Variants in SV2B observed in about 807,000 individuals in gnomAD.
SV2B encodes solute carrier family 22 member B2.
SV2B carries 41 observed loss-of-function variants against 73.9 expected under a neutral mutation model. The ratio of observed to expected loss-of-function variants is 0.56; its 90% CI spans 0.43 to 0.72. The LOEUF (loss-of-function observed/expected upper bound fraction) is 0.72, where lower values mean the gene tolerates loss of function less well. SV2B is among the 30% of genes least tolerant of loss of function. The pLI is 0.00. For missense variants in SV2B, 764 were observed against 857.8 expected (o/e 0.89, Z 1.37); for synonymous variants, 314 against 314.2 (o/e 1.00, Z 0.01).
intron 1 of SV2B, among the ~76,000 whole-genome samples, chr15:91,171,740 C>G (rs1401833843): frequency 1.3e-5 from 2 of 152,236 alleles, no homozygotes; most frequent in East Asian, 1.9e-4. Flanking sequence ...ATGCCTAGCC[C>G]ACACAGACCA....
At chr15:91,143,259 A>G (rs541051812) in intron 1 of SV2B, among the ~76,000 whole-genome samples, 1 of 152,342 alleles carries the variant, frequency 6.6e-6, no homozygotes, top group East Asian at 1.9e-4. Flanking sequence ...TTCAAAATAC[A>G]GATGCCTGGG....
Position 91,258,996 on chromosome 15 carries a change from T to G in SV2B, c.918+442T>G, listed in dbSNP as rs1278919067. 6.6e-6 allele frequency among the ~76,000 whole-genome samples: 1 copy of G among 151,330 alleles called. No homozygotes were observed. Among genetic ancestry groups the G allele is most frequent in the Admixed American group, 6.6e-5 (1 of 15,174 alleles). On this transcript the variant is annotated intron_variant, in intron 5 of 12. Coordinates refer to ENST00000394232, the MANE Select transcript of SV2B (RefSeq NM_001323032.3). This position sits in a 1 kb window ranked among gnomAD's most constrained non-coding sequence, Gnocchi z 4.7. ...CTGTGGTCCCATCTACTTGGGAGGCTGAGGTGGGAGGACTGCTTGGGCCCC... is the reference window on the plus strand; with the variant it reads ...CTGTGGTCCCATCTACTTGGGAGGCGGAGGTGGGAGGACTGCTTGGGCCCC...
intron 1 of SV2B, among the ~76,000 whole-genome samples, chr15:91,190,119 T>A (rs963427863): frequency 9.8e-4 from 150 of 152,334 alleles, no homozygotes; most frequent in Non-Finnish European, 1.6e-3. Flanking sequence ...GCTATTTTTT[T>A]AAATTTTATT....
intron 9 of SV2B, among the ~76,000 whole-genome samples, chr15:91,269,577 C>T (rs990022970): frequency 4.6e-5 from 7 of 152,222 alleles, no homozygotes; most frequent in African/African-American, 7.2e-5. Flanking sequence ...CCCACATATG[C>T]GTCTGGTGTC....
At chr15:91,269,226 C>T (rs935847194) in intron 9 of SV2B, among the ~76,000 whole-genome samples, 4 of 152,126 alleles carry the variant, frequency 2.6e-5, no homozygotes, top group Admixed American at 1.3e-4. Flanking sequence ...ATGGGCCATC[C>T]GCCCTGTTGT....
intron 1 of SV2B, among the ~76,000 whole-genome samples, chr15:91,126,732 CA>C (rs1312337132): frequency 6.6e-6 from 1 of 152,132 alleles, no homozygotes; most frequent in East Asian, 1.9e-4. Context: ...TAATATACCA[CA>C]TTAATGGAAT....
Position 91,122,828 on chromosome 15 carries a change from G to A in SV2B, c.-392+22465G>A, listed in dbSNP as rs1225885262. 6.6e-6 allele frequency among the ~76,000 whole-genome samples: 1 copy of A among 152,126 alleles called. No individual in the cohort carries two copies. The highest frequency in any genetic ancestry group is 1.5e-5 in the Non-Finnish European group (1 of 68,018). On this transcript the variant is annotated intron_variant, in intron 1 of 12. Coordinates refer to ENST00000394232, the MANE Select transcript of SV2B (RefSeq NM_001323032.3). The surrounding 1 kb of genome is among the most constrained non-coding windows in gnomAD (Gnocchi z 4.3). The stretch of plus-strand genomic sequence containing the variant: ...AGTTGAGCTCATCGAAGTAGAGAGT[G>A]GAATGGTAGTTACCAGGGGCTGGAG...
chr15:91,237,060 A>C (rs971851862), intron 2 of SV2B, among the ~76,000 whole-genome samples: 4 of 151,942 alleles, frequency 2.6e-5, no homozygotes, highest in African/African-American at 9.7e-5. Flanking sequence ...CTATTTGTTG[A>C]GATAGTAATA....
intron 1 of SV2B, among the ~76,000 whole-genome samples, chr15:91,192,717 A>C (rs1259007775): frequency 6.6e-6 from 1 of 152,238 alleles, no homozygotes; most frequent in East Asian, 1.9e-4. Flanking sequence ...AGGTAAAGGG[A>C]ATTCACTCCA....
At chr15:91,101,165 G>A (rs1596399000) in intron 1 of SV2B, among the ~76,000 whole-genome samples, 1 of 152,146 alleles carries the variant, frequency 6.6e-6, no homozygotes, top group East Asian at 1.9e-4. Context: ...GGGACGCTGG[G>A]GGAATGCTTG....
Position 91,251,936 on chromosome 15 carries a change from C to G in SV2B, c.569C>G (p.Ser190Cys). ...CTGGCCGTCAATGCCTCCTTCGCCT[C>G]CCTCTCTTCCTTCGTGCAGGGATAT... ...MSLAVNASFA[S>C]LSSFVQGYGA... Residue 190 changes from serine (S) to cysteine (C), a missense_variant, in exon 3 of 13, where the codon TCC becomes TGC. Coordinates refer to ENST00000394232, the MANE Select transcript of SV2B (RefSeq NM_001323032.3). 1 of 1,614,148 alleles carries G rather than the reference C, an allele frequency of 6.2e-7. No homozygotes were observed. The highest frequency in any genetic ancestry group is 1.7e-4 in the Middle Eastern group (1 of 6,060).
intron 1 of SV2B, among the ~76,000 whole-genome samples, chr15:91,204,190 C>T (rs369769207): frequency 1.3e-5 from 2 of 152,122 alleles, no homozygotes; most frequent in South Asian, 2.1e-4. Flanking sequence ...CCACCCGGTT[C>T]GCTTTTAAAT....
intron 1 of SV2B, among the ~76,000 whole-genome samples, chr15:91,192,223 G>A (rs919598546): frequency 9.2e-5 from 14 of 152,138 alleles, no homozygotes; most frequent in Admixed American, 9.2e-4. Context: ...GGCACTGTTT[G>A]TCCTAAAAAT....
Position 91,137,878 on chromosome 15 carries a change from T to A in SV2B, c.-392+37515T>A, listed in dbSNP as rs1804541286. Among the ~76,000 whole-genome samples, 1 of 152,030 alleles carries A rather than the reference T, an allele frequency of 6.6e-6. No homozygotes were observed. The highest frequency in any genetic ancestry group is 6.6e-5 in the Admixed American group (1 of 15,258). On this transcript the variant is annotated intron_variant, in intron 1 of 12. Coordinates refer to ENST00000394232, the MANE Select transcript of SV2B (RefSeq NM_001323032.3). The surrounding 1 kb of genome is among the most constrained non-coding windows in gnomAD (Gnocchi z 4.9). Reference sequence around the variant, plus strand: ...GTAAATAAGAAGAGAGAATCAGGTGTTTACTTTGCCTTTCCAATACAAACT... The same window carrying A: ...GTAAATAAGAAGAGAGAATCAGGTGATTACTTTGCCTTTCCAATACAAACT...
chr15:91,275,929 G>A (rs1368799215), intron 9 of SV2B, among the ~76,000 whole-genome samples: 2 of 152,134 alleles, frequency 1.3e-5, no homozygotes, highest in Admixed American at 6.5e-5. Context: ...TTATGCCTGA[G>A]GAACTTCCCG....
intron 4 of SV2B, among the ~76,000 whole-genome samples, chr15:91,254,483 C>T (rs980660428): frequency 4.6e-5 from 7 of 152,106 alleles, no homozygotes; most frequent in South Asian, 2.1e-4. Context: ...GTGATCCACC[C>T]GCCTCAGCTT....
rs556754641 is a variant in SV2B, at chr15:91,271,852, T to TG, written c.1373+3252dup. Among the ~76,000 whole-genome samples the TG allele has an allele frequency of 2.1e-3, 326 of 152,328 alleles. 1 individual carries two copies. Among genetic ancestry groups the TG allele is most frequent in the African/African-American group, 7.3e-3 (305 of 41,580 alleles). On this transcript the variant is annotated intron_variant, in intron 9 of 12. Coordinates refer to ENST00000394232, the MANE Select transcript of SV2B (RefSeq NM_001323032.3). ...ATACACGCGTGTTCTTTGGCTTCCT[T>TG]GGGGGCATTTCTTCTATCCTTACCA...
chr15:91,261,607 G>A lies in SV2B; in HGVS notation c.1008+1198G>A, dbSNP rs936172491. On this transcript the variant is annotated intron_variant, in intron 6 of 12. Coordinates refer to ENST00000394232, the MANE Select transcript of SV2B (RefSeq NM_001323032.3). This position sits in a 1 kb window ranked among gnomAD's most constrained non-coding sequence, Gnocchi z 4.7. Reference sequence around the variant, plus strand: ...AGAAATAAAAGTGCTGGCTCAGAGAGCTTGGATATTTTTATAGCTCTTGAG... The same window carrying A: ...AGAAATAAAAGTGCTGGCTCAGAGAACTTGGATATTTTTATAGCTCTTGAG... Among the ~76,000 whole-genome samples the A allele has an allele frequency of 2.0e-5, 3 of 152,064 alleles. No individual in the cohort carries two copies. Among genetic ancestry groups the A allele is most frequent in the Non-Finnish European group, 4.4e-5 (3 of 68,016 alleles).
At chr15:91,126,354 A>C (rs1051367770) in intron 1 of SV2B, among the ~76,000 whole-genome samples, 1 of 152,200 alleles carries the variant, frequency 6.6e-6, no homozygotes, top group African/African-American at 2.4e-5. Flanking sequence ...TGATCATGCC[A>C]AGATGAGGAT....
Sources: allele counts gnomAD v4.1 joint callset (sites outside exome capture counted in the v4.1 genomes callset), GRCh38; gene constraint gnomAD v4.1.1; non-coding constraint Gnocchi (gnomAD v3.1); transcripts MANE v1.5; gene names NCBI Gene and HGNC (gene_info 2026-07-23, HGNC 2026-07-21).